SLC35D1: variants seen among roughly 807,000 people sequenced by gnomAD.
The protein encoded by SLC35D1 is nucleotide sugar transporter SLC35D1.
Under a neutral mutation model 46.7 loss-of-function variants are expected in SLC35D1, and 31 were observed. The ratio of observed to expected loss-of-function variants is 0.66; its 90% CI spans 0.50 to 0.90. The LOEUF (loss-of-function observed/expected upper bound fraction) is 0.90, where lower values mean the gene tolerates loss of function less well. SLC35D1 is among the 40% of genes least tolerant of loss of function. SLC35D1 has a pLI of 0.00. For synonymous variants in SLC35D1, 195 were observed against 164.6 expected (o/e 1.18, Z -1.41); for missense variants, 397 against 426.2 (o/e 0.93, Z 0.60).
the SLC35D1 span, chr1:66,985,224 C>A: frequency 1.0e-6 from 1 of 969,080 alleles, no homozygotes; most frequent in Non-Finnish European, 1.2e-6. Context: ...GTATCTGTAC[C>A]TTCTCATTTG....
chr1:66,996,139 G>A (rs984746759), downstream of SLC35D1, among the ~76,000 whole-genome samples: 2 of 152,184 alleles, frequency 1.3e-5, no homozygotes, highest in Non-Finnish European at 2.9e-5. Context: ...ATTTTAGCCC[G>A]AACCCAGTGA....
intron 8 of SLC35D1, among the ~76,000 whole-genome samples, chr1:67,035,803 T>C (rs1668110520): frequency 9.1e-6 from 1 of 110,330 alleles, no homozygotes; most frequent in African/African-American, 3.1e-5. Flanking sequence ...TTTGAAGTTT[T>C]TCTTTTTTTT....
At chr1:66,984,564 C>G in the SLC35D1 span, 2 of 1,544,312 alleles carry the variant, frequency 1.3e-6, no homozygotes, top group Non-Finnish European at 1.7e-6. Flanking sequence ...ATATTTCTTT[C>G]AACTTAGGAG....
At chr1:66,973,058 G>C in the SLC35D1 span, 1 of 835,940 alleles carries the variant, frequency 1.2e-6, no homozygotes, top group Admixed American at 2.0e-5. Context: ...GTCATGTATC[G>C]TAATTTGTTA....
downstream of SLC35D1, among the ~76,000 whole-genome samples, chr1:66,994,649 GA>G (rs60025909): frequency 1.4e-5 from 2 of 145,282 alleles, no homozygotes; most frequent in East Asian, 2.0e-4. Context: ...GTCTCAAAAA[GA>G]AAAAAAAAAG....
chr1:67,047,335 G>A lies in SLC35D1; in HGVS notation c.566C>T (p.Ala189Val), dbSNP rs1206758081. 1 of 1,613,228 alleles carries A rather than the reference G, an allele frequency of 6.2e-7. No individual in the cohort carries two copies. The highest frequency in any genetic ancestry group is 2.2e-5 in the East Asian group (1 of 44,820). Reference protein sequence around the residue: ...SDLAFDLEGYAFILINDVLTA... With the variant: ...SDLAFDLEGYVFILINDVLTA... ...TAGGACATCGTTTATCAGAATAAAA[G>A]CATATCCTTCCAGATCAAATGCCAA... is the stretch of plus-strand genomic sequence containing the variant. Residue 189 changes from alanine to valine, a missense_variant, in exon 7 of 12, where the codon GCT becomes GTT. Physicochemically the swap from Ala to Val is moderately conservative, Grantham distance 64. Transcript: ENST00000235345.
the SLC35D1 span, chr1:66,987,530 A>G: frequency 1.3e-5 from 2 of 152,738 alleles, no homozygotes; most frequent in Non-Finnish European, 2.9e-5. Context: ...ATTTGAAGTA[A>G]TATTTAAATA....
At chr1:67,005,653 A>C (rs987590522) in intron 11 of SLC35D1, among the ~76,000 whole-genome samples, 3 of 152,176 alleles carry the variant, frequency 2.0e-5, no homozygotes, top group Non-Finnish European at 4.4e-5. Context: ...GCAAGGTACA[A>C]TATCCCTCCA....
the SLC35D1 span, chr1:66,981,847 C>T: frequency 6.2e-7 from 1 of 1,613,986 alleles, no homozygotes; most frequent in Non-Finnish European, 8.5e-7. Context: ...TCCCCTCCCC[C>T]AACTGCATCA....
rs1667513238 is a variant in SLC35D1 at position 67,009,181 on chromosome 1, T to C, written c.877-14A>G. On this transcript the variant is annotated splice_polypyrimidine_tract_variant and intron_variant, in intron 10 of 11. Transcript: ENST00000235345. ...TATTAATATATTCTAAAAATAAAAA[T>C]AGTAATATACTGTTATATAGGTTTA... 9.8e-7 allele frequency: 1 copy of C among 1,024,740 alleles called. No homozygotes were observed. The highest frequency in any genetic ancestry group is 1.5e-6 in the Non-Finnish European group (1 of 685,500). 63.5% of individuals were successfully genotyped at this position (1,024,740 alleles called of 1,614,324 possible). A position where few individuals can be genotyped will look rare whatever the true frequency, so the allele number is the denominator to read the frequency against.
At chr1:67,034,076 C>T (rs946276450) in intron 8 of SLC35D1, among the ~76,000 whole-genome samples, 1 of 152,146 alleles carries the variant, frequency 6.6e-6, no homozygotes, top group African/African-American at 2.4e-5. Context: ...CAGTACCATG[C>T]TGTTTTGGTT....
chr1:67,038,897 G>A (rs555715916), intron 8 of SLC35D1, among the ~76,000 whole-genome samples: 4 of 151,402 alleles, frequency 2.6e-5, no homozygotes, highest in East Asian at 1.9e-4. Context: ...GCTTTGCCAA[G>A]ACCTTGCATT....
intron 8 of SLC35D1, among the ~76,000 whole-genome samples, chr1:67,027,561 A>G (rs1364077068): frequency 1.3e-5 from 2 of 152,136 alleles, no homozygotes; most frequent in Non-Finnish European, 2.9e-5. Flanking sequence ...GGCATGAGCC[A>G]CCTCATCCCA....
At chr1:67,018,794 T>C (rs1010812667) in intron 10 of SLC35D1, among the ~76,000 whole-genome samples, 6 of 152,202 alleles carry the variant, frequency 3.9e-5, no homozygotes, top group Admixed American at 6.6e-5. Context: ...AAATGGGTTA[T>C]AACTGGGATG....
At chr1:67,044,907 G>A (rs199946352) in intron 7 of SLC35D1, among the ~76,000 whole-genome samples, 157 of 152,104 alleles carry the variant, frequency 1.0e-3, no homozygotes, top group Non-Finnish European at 1.9e-3. Flanking sequence ...AGAAAACTCC[G>A]GATGTATTAA....
intron 8 of SLC35D1, among the ~76,000 whole-genome samples, chr1:67,031,280 C>T (rs893895779): frequency 9.2e-5 from 14 of 151,960 alleles, no homozygotes; most frequent in Non-Finnish European, 1.8e-4. Flanking sequence ...TCTGCTTCGC[C>T]ACAGGAATAG....
the SLC35D1 span, among the ~76,000 whole-genome samples, chr1:66,983,357 A>G: frequency 6.6e-6 from 1 of 152,220 alleles, no homozygotes; most frequent in African/African-American, 2.4e-5. Context: ...ATTTGAGTGC[A>G]TTGAGTTGGT....
At chr1:66,986,097 A>G in the SLC35D1 span, 1 of 1,083,174 alleles carries the variant, frequency 9.2e-7, no homozygotes, top group Non-Finnish European at 1.1e-6. Flanking sequence ...ACACACAAGG[A>G]ACAACTGTTG....
chr1:67,020,182 A>G lies in SLC35D1; in HGVS notation c.876+187T>C, dbSNP rs572100090. ...GCTCTTCAGAGCTAAGCTGCCTCCA[A>G]GTAGAGACTATGCCCTCCCTGCATT... On this transcript the variant is annotated intron_variant, in intron 10 of 11. Transcript: ENST00000235345. 5.9e-5 allele frequency among the ~76,000 whole-genome samples: 9 copies of G among 152,316 alleles called. No homozygotes were observed. The South Asian group carries it at 1.9e-3, about 32-fold the overall frequency.
Sources: allele counts gnomAD v4.1 joint callset (sites outside exome capture counted in the v4.1 genomes callset), GRCh38; gene constraint gnomAD v4.1.1; transcripts MANE v1.5; gene names NCBI Gene and HGNC (gene_info 2026-07-23, HGNC 2026-07-21).